Variants in CFAP161 observed in about 807,000 individuals in gnomAD.
CFAP161 encodes cilia- and flagella-associated protein 161.
In CFAP161, 25 loss-of-function variants were observed where a neutral mutation model predicts 29.0. The ratio of observed to expected loss-of-function variants is 0.86; its 90% confidence interval spans 0.63 to 1.20. CFAP161 has a LOEUF of 1.20. Among genes scored for constraint, CFAP161 ranks in the 50% most tolerant of loss-of-function variants. The pLI is 0.00. For missense variants in CFAP161, 367 were observed against 371.9 expected, an observed-to-expected ratio of 0.99 and a Z score of 0.11; for synonymous variants, 116 against 137.4, an observed-to-expected ratio of 0.84 and a Z score of 1.09.
At chr15:81,115,903 A>T (rs1260983066) in intron 1 of CFAP161, among the ~76,000 whole-genome samples, 1 of 145,310 alleles carries the variant, frequency 6.9e-6, no homozygotes, top group Non-Finnish European at 1.5e-5. Context: ...GCCCAGGCTG[A>T]TTGCGAGCTC....
upstream of CFAP161, among the ~76,000 whole-genome samples, chr15:81,131,842 A>G (rs1894715075): frequency 6.6e-6 from 1 of 152,228 alleles, no homozygotes; most frequent in African/African-American, 2.4e-5. Context: ...AGGCAGCTCA[A>G]GCAGGATAAA....
intron 3 of CFAP161, 106 bp from the exon 4 acceptor site, chr15:81,137,945 T>A (rs1894839904): frequency 1.4e-6 from 1 of 718,052 alleles, no homozygotes; most frequent in Non-Finnish European, 2.2e-6. Context: ...ATATAAATTA[T>A]CAAAAAACTG....
chr15:81,118,410 C>G (rs1456579644), intron 1 of CFAP161: 1 of 212,976 alleles, frequency 4.7e-6, no homozygotes, highest in Non-Finnish European at 9.3e-6. Context: ...TGGACGAATT[C>G]CCACAAGTTC....
intron 1 of CFAP161, among the ~76,000 whole-genome samples, chr15:81,120,271 AAAACTAATACCTTGACCAGGAGAAT>A (rs1483065023): frequency 6.6e-6 from 1 of 152,202 alleles, no homozygotes. Flanking sequence ...TGTAAACAAG[AAAACTAATACCTTGACCAGGAGAAT>A]GCATGGCTCT....
intron 4 of CFAP161, among the ~76,000 whole-genome samples, chr15:81,138,502 G>A (rs1894851221): frequency 1.3e-5 from 2 of 152,126 alleles, no homozygotes; most frequent in Non-Finnish European, 2.9e-5. Context: ...CATATTATCT[G>A]ACAACTTTTT....
At chr15:81,137,271 C>T (rs1191964538) in intron 3 of CFAP161, among the ~76,000 whole-genome samples, 2 of 152,094 alleles carry the variant, frequency 1.3e-5, no homozygotes, top group East Asian at 1.9e-4. Context: ...ATTACTAATT[C>T]GTATGACAGC....
chr15:81,101,299 A>G (rs1392208749), intron 1 of CFAP161, among the ~76,000 whole-genome samples: 1 of 151,040 alleles, frequency 6.6e-6, no homozygotes, highest in Admixed American at 6.6e-5. Flanking sequence ...GGCTGAGTCT[A>G]TTGGATCACC....
intron 1 of CFAP161, among the ~76,000 whole-genome samples, chr15:81,123,760 C>T (rs745484861): frequency 2.0e-5 from 3 of 152,042 alleles, no homozygotes; most frequent in Non-Finnish European, 1.5e-5. Flanking sequence ...TCACTTCTCT[C>T]GTTAGCTGTA....
chr15:81,142,162 T>C (rs560763830), intron 4 of CFAP161, among the ~76,000 whole-genome samples: 1 of 152,172 alleles, frequency 6.6e-6, no homozygotes, highest in African/African-American at 2.4e-5. Flanking sequence ...GGCCTGTTTC[T>C]CTTGCCCCAG....
intron 6 of CFAP161, 101 bp from the exon 7 acceptor site, chr15:81,148,237 C>T: frequency 8.5e-7 from 1 of 1,179,140 alleles, no homozygotes; most frequent in South Asian, 1.5e-5. Flanking sequence ...CTTTATCTAG[C>T]AATCCGCTTC....
chr15:81,133,770 A>G (rs1351847504), upstream of CFAP161, among the ~76,000 whole-genome samples: 1 of 152,080 alleles, frequency 6.6e-6, no homozygotes, highest in Non-Finnish European at 1.5e-5. Flanking sequence ...ACAGAAATAT[A>G]CTAACATGGT....
At position 81,136,567 on chromosome 15, in the gene CFAP161, A is replaced by G. The variant is rs755677086; in HGVS notation, c.211A>G (p.Met71Val). ...CTATATTCATTACGGTGACAAAGTG[A>G]TGCTTGTGAATCCTGATGATCCTGA... ...DGYIHYGDKV[M>V]LVNPDDPDTE... Residue 71 changes from methionine to valine, a missense_variant, in exon 3 of 7, where the codon ATG (methionine) becomes GTG (valine). By Grantham distance (21) the Met-to-Val change is conservative. Coordinates refer to ENST00000286732, the MANE Select transcript of CFAP161 (RefSeq NM_173528.4). 5.0e-6 allele frequency: 8 copies of G among 1,614,090 alleles called. No individual in the cohort carries two copies. Among genetic ancestry groups the G allele is most frequent in the Non-Finnish European group, 6.8e-6 (8 of 1,180,042 alleles).
intron 1 of CFAP161, among the ~76,000 whole-genome samples, chr15:81,111,583 T>G (rs1028632003): frequency 2.6e-5 from 4 of 152,164 alleles, no homozygotes; most frequent in African/African-American, 9.7e-5. Flanking sequence ...CTTCTGAAAG[T>G]TTCAGGGGCT....
At chr15:81,141,461 T>C (rs1894907299) in intron 4 of CFAP161, among the ~76,000 whole-genome samples, 2 of 152,210 alleles carry the variant, frequency 1.3e-5, no homozygotes, top group Admixed American at 6.5e-5. Flanking sequence ...GATTTTTTTA[T>C]GTTTTCTGGG....
At chr15:81,109,635 T>C (rs1894416767) in intron 1 of CFAP161, among the ~76,000 whole-genome samples, 1 of 152,124 alleles carries the variant, frequency 6.6e-6, no homozygotes, top group Admixed American at 6.6e-5. Context: ...GTCCAGGAGT[T>C]TGAGGCTGTG....
chr15:81,136,609 T>A lies in CFAP161; in HGVS notation c.253T>A (p.Phe85Ile), dbSNP rs769279001. The change falls in exon 3 of 7, where the codon TTT becomes ATT. Residue 85 changes from phenylalanine to isoleucine, a missense_variant. Transcript: ENST00000286732. ...TGATCCTGACACAGAAGCTGATGTG[T>A]TTCTGCGTGGGGACCTGAGCCTGTG... ...PDDPDTEADV[F>I]LRGDLSLCMT... 3 of 1,614,200 alleles carry A rather than the reference T, an allele frequency of 1.9e-6. No homozygotes were observed. Among genetic ancestry groups the A allele is most frequent in the Non-Finnish European group, 1.7e-6 (2 of 1,180,034 alleles).
intron 1 of CFAP161, among the ~76,000 whole-genome samples, chr15:81,103,622 G>T (rs1353864480): frequency 6.6e-6 from 1 of 152,224 alleles, no homozygotes. Flanking sequence ...CTCGCCATAT[G>T]CATTTCTTCA....
chr15:81,134,278 A>T lies in CFAP161; in HGVS notation c.-52A>T. On this transcript the variant is annotated 5_prime_UTR_variant, in exon 1 of 7. Coordinates refer to ENST00000286732, the MANE Select transcript of CFAP161 (RefSeq NM_173528.4). Reference sequence around the variant, plus strand: ...GGCCGGGTCGTCATGGCGACGCGCCACGCTAACGCATGGTGTCGGAGGGAG... The same window carrying T: ...GGCCGGGTCGTCATGGCGACGCGCCTCGCTAACGCATGGTGTCGGAGGGAG... 6.4e-7 allele frequency: 1 copy of T among 1,554,416 alleles called. No homozygotes were observed. The highest frequency in any genetic ancestry group is 8.7e-7 in the Non-Finnish European group (1 of 1,147,638).
At chr15:81,123,352 G>A (rs1019222409) in intron 1 of CFAP161, among the ~76,000 whole-genome samples, 8 of 152,148 alleles carry the variant, frequency 5.3e-5, no homozygotes, top group Non-Finnish European at 1.0e-4. Flanking sequence ...AGTTGTAGGT[G>A]TGCGGTCTTA....
Sources: allele counts gnomAD v4.1 joint callset (sites outside exome capture counted in the v4.1 genomes callset), GRCh38; gene constraint gnomAD v4.1.1; transcripts MANE v1.5; gene names NCBI Gene and HGNC (gene_info 2026-07-23, HGNC 2026-07-21).